DAB1: variants seen among roughly 807,000 people sequenced by gnomAD.
The protein encoded by DAB1 is disabled homolog 1.
In DAB1, 15 loss-of-function variants were observed where a neutral mutation model predicts 64.6. The ratio of observed to expected loss-of-function variants is 0.23; its 90% CI spans 0.16 to 0.36. The LOEUF (loss-of-function observed/expected upper bound fraction) is 0.36, where lower values mean the gene tolerates loss of function less well. Ranked by LOEUF, DAB1 falls within the 10% of genes least tolerant of loss-of-function variation. DAB1 has a pLI of 1.00. For synonymous variants in DAB1, 235 were observed against 251.9 expected (o/e 0.93, Z 0.64); for missense variants, 596 against 706.7 (o/e 0.84, Z 1.78).
intron 5 of DAB1, among the ~76,000 whole-genome samples, chr1:58,089,703 G>A (rs930707537): frequency 2.6e-5 from 4 of 152,088 alleles, no homozygotes; most frequent in South Asian, 2.1e-4. Flanking sequence ...GGTGCCCAGC[G>A]GTAAACCTCT....
chr1:58,159,545 C>T (rs954351707), intron 4 of DAB1, among the ~76,000 whole-genome samples: 4 of 152,124 alleles, frequency 2.6e-5, no homozygotes, highest in Non-Finnish European at 4.4e-5. Context: ...TGAGTGCATG[C>T]ATATGTAAAA....
intron 4 of DAB1, among the ~76,000 whole-genome samples, chr1:57,116,765 A>C (rs1168719240): frequency 6.6e-6 from 1 of 152,214 alleles, no homozygotes; most frequent in Non-Finnish European, 1.5e-5. Context: ...TTTACCTTGA[A>C]TCTACTAGGA....
intron 6 of DAB1, among the ~76,000 whole-genome samples, chr1:57,777,741 C>A (rs1406703818): frequency 6.6e-6 from 1 of 151,890 alleles, no homozygotes; most frequent in African/African-American, 2.4e-5. Flanking sequence ...ATCATCTCTG[C>A]CATTTGTTGA....
intron 5 of DAB1, among the ~76,000 whole-genome samples, chr1:58,015,580 C>G (rs1646727501): frequency 6.6e-6 from 1 of 152,132 alleles, no homozygotes; most frequent in African/African-American, 2.4e-5. Context: ...GTTGTTTTCT[C>G]CATGGAGAAT....
rs1471740884 is a variant in DAB1, at chr1:58,338,351, C to T, written n.309+5001G>A. ...ACCTCACTCTTCCTCTTCTCTGACC[C>T]TGCTGGAGTCCTTCATTCCTCTTGC... is the stretch of plus-strand genomic sequence containing the variant. On this transcript the variant is annotated intron_variant and non_coding_transcript_variant, in intron 4 of 20. Coordinates refer to the DAB1 transcript ENST00000485760. 4.1e-4 allele frequency among the ~76,000 whole-genome samples: 62 copies of T among 152,150 alleles called. 1 individual carries two copies. Among genetic ancestry groups the T allele is most frequent in the Non-Finnish European group, 1.5e-5 (1 of 68,038 alleles).
At chr1:57,364,165 C>T (rs1679778775) in intron 1 of DAB1, among the ~76,000 whole-genome samples, 1 of 152,086 alleles carries the variant, frequency 6.6e-6, no homozygotes, top group African/African-American at 2.4e-5. Flanking sequence ...ATGGGGTATG[C>T]CTAGGGCTGG....
chr1:57,640,980 A>C (rs1030365172), intron 7 of DAB1, among the ~76,000 whole-genome samples: 2 of 152,218 alleles, frequency 1.3e-5, no homozygotes, highest in Non-Finnish European at 2.9e-5. Flanking sequence ...TGGAAGAATC[A>C]TCTTGCAGCA....
In DAB1 at chr1:57,699,322, T is replaced by C. The variant is rs146381588; in HGVS notation, n.552-49657A>G. Among the ~76,000 whole-genome samples, 421 of 152,298 alleles carry C rather than the reference T, an allele frequency of 2.8e-3. 2 individuals are homozygous for C. Among genetic ancestry groups the C allele is most frequent in the African/African-American group, 9.5e-3 (395 of 41,566 alleles). On this transcript the variant is annotated intron_variant and non_coding_transcript_variant, in intron 6 of 20. Transcript: ENST00000485760. Reference sequence around the variant, plus strand: ...AAATAAGGGTTATTCTTCTTATCCTTACTTTATAATTAAGCAATTGAGAGA... The same window carrying C: ...AAATAAGGGTTATTCTTCTTATCCTCACTTTATAATTAAGCAATTGAGAGA...
intron 9 of DAB1, 58 bp downstream of exon 9, chr1:57,062,826 C>A: frequency 3.5e-6 from 5 of 1,413,664 alleles, no homozygotes; most frequent in Non-Finnish European, 5.0e-6. Context: ...AGGCTGTAGA[C>A]AGCCTCAGTG....
intron 7 of DAB1, among the ~76,000 whole-genome samples, chr1:57,545,937 A>G (rs1644851323): frequency 6.6e-6 from 1 of 152,186 alleles, no homozygotes; most frequent in Non-Finnish European, 1.5e-5. Flanking sequence ...ATTTCATAAT[A>G]AAGTCATTGT....
chr1:57,445,593 G>A (rs1361823860), intron 7 of DAB1, among the ~76,000 whole-genome samples: 1 of 152,110 alleles, frequency 6.6e-6, no homozygotes, highest in East Asian at 1.9e-4. Context: ...CCCAAGAATT[G>A]TAAGATAAAA....
chr1:57,272,795 A>G (rs1570123120), intron 2 of DAB1, among the ~76,000 whole-genome samples: 1 of 152,294 alleles, frequency 6.6e-6, no homozygotes, highest in Non-Finnish European at 1.5e-5. Context: ...GGTGTTCAAG[A>G]AATACAACTT....
chr1:58,084,236 G>C (rs1336884794), intron 5 of DAB1, among the ~76,000 whole-genome samples: 1 of 152,068 alleles, frequency 6.6e-6, no homozygotes, highest in African/African-American at 2.4e-5. Flanking sequence ...CTGAAACAAG[G>C]AAAACATCAG....
At chr1:57,003,470 C>T (rs1200022330) in intron 14 of DAB1, among the ~76,000 whole-genome samples, 6 of 152,032 alleles carry the variant, frequency 3.9e-5, no homozygotes, top group Admixed American at 6.6e-5. Flanking sequence ...TCAGCCAGCA[C>T]ACAGCAGAGC....
At chr1:57,540,248 T>A (rs1284057184) in intron 7 of DAB1, among the ~76,000 whole-genome samples, 2 of 152,112 alleles carry the variant, frequency 1.3e-5, no homozygotes, top group East Asian at 3.9e-4. Flanking sequence ...CAACATGATA[T>A]CATCTTACCC....
At chr1:57,559,504 A>G (rs1299700071) in intron 7 of DAB1, among the ~76,000 whole-genome samples, 4 of 152,206 alleles carry the variant, frequency 2.6e-5, no homozygotes, top group Non-Finnish European at 4.4e-5. Flanking sequence ...AGACGATCAG[A>G]CATTTCGGGG....
At chr1:58,418,865 A>G (rs760284151) in intron 3 of DAB1, among the ~76,000 whole-genome samples, 12 of 152,224 alleles carry the variant, frequency 7.9e-5, no homozygotes, top group Non-Finnish European at 1.6e-4. Flanking sequence ...CTGTTCCACC[A>G]TCTATCAAAA....
At chr1:57,333,535 T>A (rs1047674050) in intron 1 of DAB1, among the ~76,000 whole-genome samples, 2 of 152,214 alleles carry the variant, frequency 1.3e-5, no homozygotes, top group Non-Finnish European at 2.9e-5. Flanking sequence ...TTGCTTGCAA[T>A]AGCACAGTGC....
chr1:58,524,412 T>C (rs1557453016), intron 2 of DAB1, among the ~76,000 whole-genome samples: 1 of 152,216 alleles, frequency 6.6e-6, no homozygotes, highest in Non-Finnish European at 1.5e-5. Context: ...GCTTTAGATC[T>C]TTCATCTTCC....
Sources: gnomAD v4.1 joint callset for allele counts (sites outside exome capture counted in the v4.1 genomes callset) on GRCh38, gnomAD v4.1.1 for gene constraint, MANE v1.5 for transcripts, NCBI Gene and HGNC (gene_info 2026-07-23, HGNC 2026-07-21) for gene names.